The following GLI2 variants were observed in gnomAD, a reference collection of about 807,000 sequenced individuals.
The protein encoded by GLI2 is GLI family zinc finger 2.
GLI2 carries 22 observed loss-of-function variants against 78.9 expected under a neutral mutation model. That is an observed-to-expected ratio of 0.28 (90% CI 0.20 to 0.40). The LOEUF (loss-of-function observed/expected upper bound fraction) is 0.40, where lower values mean the gene tolerates loss of function less well. Among genes scored for constraint, GLI2 ranks in the 10% least tolerant of loss-of-function variants. The pLI is 1.00. For synonymous variants in GLI2, 974 were observed against 963.7 expected (o/e 1.01, Z -0.20); for missense variants, 2,097 against 2,213.2 (o/e 0.95, Z 1.05).
chr2:120,951,451 T>C lies in GLI2; in HGVS notation c.457+6T>C, dbSNP rs979412868. 3.1e-6 allele frequency: 5 copies of C among 1,597,552 alleles called. No individual in the cohort carries two copies. Among genetic ancestry groups the C allele is most frequent in the Non-Finnish European group, 4.3e-6 (5 of 1,166,760 alleles). On this transcript the variant is annotated splice_donor_region_variant and intron_variant, in intron 4 of 13. Transcript: ENST00000361492. Reference sequence around the variant, plus strand: ...GGGCCTCAGCCCCGCTGATGGTGAGTAGGGTGTGGGGATGGGGAGGGGCAG... The same window carrying C: ...GGGCCTCAGCCCCGCTGATGGTGAGCAGGGTGTGGGGATGGGGAGGGGCAG...
At chr2:120,841,708 C>CTGGA (rs778440903) in intron 2 of GLI2, among the ~76,000 whole-genome samples, 1 of 152,208 alleles carries the variant, frequency 6.6e-6, no homozygotes, top group African/African-American at 2.4e-5. Context: ...CAGAGGAGAA[C>CTGGA]TGGACTTGCC....
intron 2 of GLI2, among the ~76,000 whole-genome samples, chr2:120,816,634 G>T (rs1459575340): frequency 7.3e-6 from 1 of 136,174 alleles, no homozygotes; most frequent in Non-Finnish European, 1.6e-5. Context: ...TTTATGAAAA[G>T]AGCTTCTCCA....
At chr2:120,853,839 G>C (rs551701293) in intron 2 of GLI2, among the ~76,000 whole-genome samples, 1 of 152,128 alleles carries the variant, frequency 6.6e-6, no homozygotes, top group Non-Finnish European at 1.5e-5. Flanking sequence ...ATGGTTACAG[G>C]TGCAGCTGGC....
intron 13 of GLI2, among the ~76,000 whole-genome samples, chr2:120,987,474 A>G (rs1683032791): frequency 6.6e-6 from 1 of 152,186 alleles, no homozygotes; most frequent in South Asian, 2.1e-4. Flanking sequence ...TGAGGCTCAG[A>G]GAGGTGCCCA....
At chr2:120,873,638 C>G (rs1235201963) in intron 2 of GLI2, among the ~76,000 whole-genome samples, 1 of 152,162 alleles carries the variant, frequency 6.6e-6, no homozygotes, top group Non-Finnish European at 1.5e-5. Context: ...TTGGGGATCC[C>G]CAGGGCTCTG....
At chr2:120,849,001 A>AT (rs1687261394) in intron 2 of GLI2, among the ~76,000 whole-genome samples, 1 of 152,236 alleles carries the variant, frequency 6.6e-6, no homozygotes, top group Admixed American at 6.5e-5. Flanking sequence ...GTATTCAACC[A>AT]TCAAAAGGAA....
At chr2:120,739,294 C>T (rs993262535) in intron 1 of GLI2, among the ~76,000 whole-genome samples, 4 of 152,184 alleles carry the variant, frequency 2.6e-5, no homozygotes, top group African/African-American at 9.7e-5. Context: ...CCCGGGGGTA[C>T]TCCACGGGAA....
At chr2:120,961,643 G>C (rs575618194) in intron 5 of GLI2, among the ~76,000 whole-genome samples, 3 of 152,336 alleles carry the variant, frequency 2.0e-5, no homozygotes, top group African/African-American at 7.2e-5. Flanking sequence ...CATCAGAGGG[G>C]TGAGAGGGCT....
At chr2:120,886,232 T>TTTTTG (rs147636277) in intron 2 of GLI2, among the ~76,000 whole-genome samples, 5,320 of 143,076 alleles carry the variant, frequency 0.037, 161 homozygotes, top group East Asian at 0.061. Flanking sequence ...TGGTTTTGGG[T>TTTTTG]TTTTGTTTTG....
chr2:120,748,947 T>C (rs1355215012), intron 1 of GLI2, among the ~76,000 whole-genome samples: 1 of 152,046 alleles, frequency 6.6e-6, no homozygotes. Flanking sequence ...CATCTACCCA[T>C]CCATCCATCC....
chr2:120,827,230 C>T (rs956004120), intron 2 of GLI2, among the ~76,000 whole-genome samples: 2 of 152,348 alleles, frequency 1.3e-5, no homozygotes, highest in South Asian at 2.1e-4. Flanking sequence ...CACAGCCAAA[C>T]CCGAGTGTCT....
In GLI2 at chr2:120,975,083, T is replaced by A; in HGVS notation, c.1291T>A (p.Tyr431Asn). ...CCACTGGGAAGACTGCACCAAGGAG[T>A]ACGACACCCAGGAGCAGCTGGTGCA... is the stretch of plus-strand genomic sequence containing the variant. The part of the protein sequence containing the change: ...NCHWEDCTKE[Y>N]DTQEQLVHHI... The change falls in exon 9 of 14, where the codon TAC (tyrosine) becomes AAC (asparagine). Residue 431 changes from tyrosine to asparagine, a missense_variant. By Grantham distance (143) the Tyr-to-Asn change is moderately radical. This residue lies in a region of GLI2 where 578 missense variants were observed against 612.0 expected (regional missense o/e 0.94). Transcript: ENST00000361492. 6.2e-7 allele frequency: 1 copy of A among 1,613,760 alleles called. No homozygotes were observed. Among genetic ancestry groups the A allele is most frequent in the Non-Finnish European group, 8.5e-7 (1 of 1,179,990 alleles).
chr2:120,889,385 A>C (rs1677571350), intron 2 of GLI2, among the ~76,000 whole-genome samples: 1 of 152,236 alleles, frequency 6.6e-6, no homozygotes, highest in Non-Finnish European at 1.5e-5. Context: ...TCCTCCATCG[A>C]GGAAGGATGA....
intron 1 of GLI2, among the ~76,000 whole-genome samples, chr2:120,750,296 C>T (rs539421405): frequency 1.9e-4 from 29 of 152,358 alleles, no homozygotes; most frequent in African/African-American, 6.7e-4. Context: ...GCTGCACTTC[C>T]GCATAAGCCA....
At chr2:120,840,144 T>G (rs944454505) in intron 2 of GLI2, among the ~76,000 whole-genome samples, 1 of 152,202 alleles carries the variant, frequency 6.6e-6, no homozygotes, top group South Asian at 2.1e-4. Context: ...ACATAGCAAT[T>G]TTATTAAATT....
chr2:120,989,232 C>T lies in GLI2; in HGVS notation c.3267C>T (p.Gly1089=), dbSNP rs770655414. 2.5e-6 allele frequency: 4 copies of T among 1,613,162 alleles called. No homozygotes were observed. Among genetic ancestry groups the T allele is most frequent in the Non-Finnish European group, 8.5e-7 (1 of 1,180,030 alleles). The change falls in exon 14 of 14, where the codon GGC becomes GGT. Residue 1089 remains glycine (G), a synonymous_variant. Transcript: ENST00000361492. Reference sequence around the variant, plus strand: ...GACTACCCAGCCCGGGGCTGCACGGCCAGCGCAGGATGGTGGCTGCGGACT... The same window carrying T: ...GACTACCCAGCCCGGGGCTGCACGGTCAGCGCAGGATGGTGGCTGCGGACT... ...NPRLPSPGLH[G]QRRMVAADSN... is the part of the protein sequence containing the mutation.
chr2:120,979,376 A>G (rs1682610174), intron 10 of GLI2, among the ~76,000 whole-genome samples: 1 of 152,156 alleles, frequency 6.6e-6, no homozygotes, highest in African/African-American at 2.4e-5. Flanking sequence ...TTTTTAACAC[A>G]CAGAAACTGC....
At chr2:120,759,454 A>C (rs889980621) in intron 1 of GLI2, among the ~76,000 whole-genome samples, 2 of 152,216 alleles carry the variant, frequency 1.3e-5, no homozygotes, top group Admixed American at 6.5e-5. Flanking sequence ...GGTTTGATTA[A>C]TGTGCTAGAA....
intron 2 of GLI2, among the ~76,000 whole-genome samples, chr2:120,804,821 G>A (rs1684867089): frequency 6.6e-6 from 1 of 152,228 alleles, no homozygotes; most frequent in Admixed American, 6.5e-5. Context: ...CTGCAAGGTT[G>A]GACGCCTGGG....
Sources: gnomAD v4.1 joint callset for allele counts (sites outside exome capture counted in the v4.1 genomes callset) on GRCh38, gnomAD v4.1.1 for gene constraint, gnomAD v4.1.1 regional missense constraint, MANE v1.5 for transcripts, NCBI Gene and HGNC (gene_info 2026-07-23, HGNC 2026-07-21) for gene names.